OR52N5: variants seen among roughly 807,000 people sequenced by gnomAD.
OR52N5 encodes olfactory receptor family 52 subfamily N member 5, also known as olfactory receptor 52N5.
Under a neutral mutation model 14.1 loss-of-function variants are expected in OR52N5, and 10 were observed. That is an observed-to-expected ratio of 0.71 (90% confidence interval 0.44 to 1.20). The LOEUF is 1.20. Ranked by LOEUF, OR52N5 falls within the 50% of genes most tolerant of loss-of-function variation. The pLI is 0.00. For missense variants in OR52N5, 361 were observed against 403.2 expected, an observed-to-expected ratio of 0.90 and a Z score of 0.90; for synonymous variants, 116 against 143.0, an observed-to-expected ratio of 0.81 and a Z score of 1.35.
In OR52N5 at chr11:5,777,484, C is replaced by A; in HGVS notation, c.*176G>T. Reference sequence around the variant, plus strand: ...CAATAGACAAAAATTAAGGGAAAGGCACTGAGATATACATCCAGAATGGGC... The same window carrying A: ...CAATAGACAAAAATTAAGGGAAAGGAACTGAGATATACATCCAGAATGGGC... On this transcript the variant is annotated 3_prime_UTR_variant, in exon 3 of 3. Coordinates refer to ENST00000641181, the MANE Select transcript of OR52N5 (RefSeq NM_001385662.1). 1 of 413,194 alleles carries A rather than the reference C, an allele frequency of 2.4e-6. No homozygotes were observed. The highest frequency in any genetic ancestry group is 4.1e-6 in the Non-Finnish European group (1 of 246,236). The allele number at this position is 413,194 out of a possible 1,614,324, so 25.6% of individuals were successfully genotyped here.
chr11:5,780,615 T>A (rs12282898), intron 2 of OR52N5, among the ~76,000 whole-genome samples: 119,731 of 137,386 alleles, frequency 0.87, 55,303 homozygotes, highest in South Asian at 0.96. Flanking sequence ...CATACAAAGG[T>A]TCATAAGAGA....
rs571114707 is a variant in OR52N5 at position 5,782,166 on chromosome 11, T to G, written c.-247-410A>C. On this transcript the variant is annotated intron_variant, in intron 1 of 2. Transcript: ENST00000641181. The stretch of plus-strand genomic sequence containing the variant: ...ATTGAATCTGAATGTCTCAAGTGTA[T>G]GGACTCCAAATTAAACTGAACATAT... Among the ~76,000 whole-genome samples the G allele has an allele frequency of 2.9e-5, 4 of 140,268 alleles. No homozygotes were observed. The East Asian group carries it at 8.3e-4, about 29-fold the overall frequency. 92.0% of individuals were successfully genotyped at this position (140,268 alleles called of 152,430 possible).
rs559401240 is a variant in OR52N5, at chr11:5,777,702, C to G, written c.933G>C (p.Lys311Asn). 5.3e-6 allele frequency: 8 copies of G among 1,504,708 alleles called. 2 individuals carry two copies. The highest frequency in any genetic ancestry group is 1.2e-5 in the South Asian group (1 of 82,606). The allele number at this position is 1,504,708 out of a possible 1,614,324, so 93.2% of individuals were successfully genotyped here. A position where few individuals can be genotyped will look rare whatever the true frequency, so the allele number is the denominator to read the frequency against. The change falls in exon 3 of 3, where the codon AAG (lysine) becomes AAC (asparagine). Residue 311 changes from lysine (K) to asparagine (N), a missense_variant. Coordinates refer to ENST00000641181, the MANE Select transcript of OR52N5 (RefSeq NM_001385662.1). ...CACCCTGGAAGAACTTTATGACACTCTTGCGTATCTGTTTTGTCTTTACTC... is the reference window on the plus strand; with the variant it reads ...CACCCTGGAAGAACTTTATGACACTGTTGCGTATCTGTTTTGTCTTTACTC... ...VYGVKTKQIR[K>N]SVIKFFQGDK...
chr11:5,778,781 T>C, intron 2 of OR52N5, 124 bp from the exon 3 acceptor site: 1 of 547,682 alleles, frequency 1.8e-6, no homozygotes, highest in South Asian at 2.5e-5. Flanking sequence ...TATGAAAATA[T>C]ACAATGTATT....
Position 5,779,163 on chromosome 11 carries a change from TACTA to T in OR52N5, c.-23-510_-23-507del, listed in dbSNP as rs140331225. Among the ~76,000 whole-genome samples the T allele has an allele frequency of 7.0e-3, 987 of 140,564 alleles. 152 individuals are homozygous for T. Among genetic ancestry groups the T allele is most frequent in the African/African-American group, 0.024 (930 of 38,530 alleles). The allele number at this position is 140,564 out of a possible 152,430, so 92.2% of individuals were successfully genotyped here. On this transcript the variant is annotated intron_variant, in intron 2 of 2. Transcript: ENST00000641181. ...ATTATTCATATTTCAGTTTTTTCTA[TACTA>T]ACTGTGTGACTTGATAAGCTTTATG...
At position 5,777,172 on chromosome 11, in the gene OR52N5, G is replaced by T. The variant is rs1268919045; in HGVS notation, c.*488C>A. Reference sequence around the variant, plus strand: ...GAAAAGATAAATGTTTGAGGTGATGGATATTCTAATTACCTTGATTGAATT... The same window carrying T: ...GAAAAGATAAATGTTTGAGGTGATGTATATTCTAATTACCTTGATTGAATT... On this transcript the variant is annotated 3_prime_UTR_variant, in exon 3 of 3. Coordinates refer to ENST00000641181, the MANE Select transcript of OR52N5 (RefSeq NM_001385662.1). 1 of 139,096 alleles carries T rather than the reference G, an allele frequency of 7.2e-6. No individual in the cohort carries two copies. The highest frequency in any genetic ancestry group is 2.6e-5 in the African/African-American group (1 of 37,964). 8.6% of individuals were successfully genotyped at this position (139,096 alleles called of 1,614,324 possible). A position where few individuals can be genotyped will look rare whatever the true frequency, so the allele number is the denominator to read the frequency against.
intron 2 of OR52N5, among the ~76,000 whole-genome samples, chr11:5,780,990 T>C (rs1854545920): frequency 7.1e-6 from 1 of 140,150 alleles, no homozygotes; most frequent in Admixed American, 7.3e-5. Context: ...GTTTCCAGAG[T>C]CCAGAATGAG....
Position 5,777,821 on chromosome 11 carries a change from G to A in OR52N5, c.814C>T (p.Arg272Cys), listed in dbSNP as rs781765535. The change falls in exon 3 of 3, where the codon CGT (arginine) becomes TGT (cysteine). Residue 272 changes from arginine to cysteine, a missense_variant. By Grantham distance (180) the Arg-to-Cys change is radical (BLOSUM62 -3). Transcript: ENST00000641181. The stretch of plus-strand genomic sequence containing the variant: ...GGGGGAATTGTGTGTCCCCCAAAAC[G>A]GTGGGCAAAGAAAGTGAAGAATGCT... ...VPAFFTFFAH[R>C]FGGHTIPPSL... 10 of 1,520,328 alleles carry A rather than the reference G, an allele frequency of 6.6e-6. 4 individuals are homozygous for A. Among genetic ancestry groups the A allele is most frequent in the Non-Finnish European group, 7.2e-6 (8 of 1,114,090 alleles). 94.2% of individuals were successfully genotyped at this position (1,520,328 alleles called of 1,614,324 possible).
intron 1 of OR52N5, among the ~76,000 whole-genome samples, chr11:5,782,282 C>A (rs1854554968): frequency 7.2e-6 from 1 of 139,526 alleles, no homozygotes; most frequent in South Asian, 2.3e-4. Flanking sequence ...AGGACTTTCT[C>A]CATCTCTACT....
Position 5,778,163 on chromosome 11 carries a change from A to G in OR52N5, c.472T>C (p.Phe158Leu), listed in dbSNP as rs1854513654. 1 of 1,521,284 alleles carries G rather than the reference A, an allele frequency of 6.6e-7. No homozygotes were observed. Among genetic ancestry groups the G allele is most frequent in the African/African-American group, 1.4e-5 (1 of 70,050 alleles). 94.2% of individuals were successfully genotyped at this position (1,521,284 alleles called of 1,614,324 possible). ...PIIAKAELAT[F>L]LRGVLLMIPF... ...ATCATCAGCAATACACCCCTCAGGA[A>G]GGTGGCAAGCTCAGCCTTGGCAATG... The change falls in exon 3 of 3, where the codon TTC becomes CTC. Residue 158 changes from phenylalanine to leucine, a missense_variant. Transcript: ENST00000641181.
rs1854537025 is a variant in OR52N5, at chr11:5,780,071, A to G, written c.-23-1414T>C. On this transcript the variant is annotated intron_variant, in intron 2 of 2. Coordinates refer to ENST00000641181, the MANE Select transcript of OR52N5 (RefSeq NM_001385662.1). ...CTTGGCATTGCCTCTTTAGTATTTCATAAGTGAAATTTTTCCTGTAGTACA... is the reference window on the plus strand; with the variant it reads ...CTTGGCATTGCCTCTTTAGTATTTCGTAAGTGAAATTTTTCCTGTAGTACA... Among the ~76,000 whole-genome samples, 2 of 140,240 alleles carry G rather than the reference A, an allele frequency of 1.4e-5. 1 individual carries two copies. The highest frequency in any genetic ancestry group is 4.6e-4 in the South Asian group (2 of 4,320). 92.0% of individuals were successfully genotyped at this position (140,240 alleles called of 152,430 possible).
chr11:5,779,958 A>T (rs1208215749), intron 2 of OR52N5, among the ~76,000 whole-genome samples: 1 of 139,866 alleles, frequency 7.1e-6, no homozygotes, highest in Admixed American at 7.4e-5. Context: ...CAGAAAAAAA[A>T]CTTTTAAATC....
rs893215740 is a variant in OR52N5 at position 5,777,067 on chromosome 11, C to T, written c.*593G>A. ...GAATAAGACATAGTGTTCAATAGTA[C>T]AGTGGATAACTGTAGTTAACAATAA... On this transcript the variant is annotated 3_prime_UTR_variant, in exon 3 of 3. Transcript: ENST00000641181. 1 of 139,294 alleles carries T rather than the reference C, an allele frequency of 7.2e-6. No individual in the cohort carries two copies. Among genetic ancestry groups the T allele is most frequent in the Non-Finnish European group, 1.6e-5 (1 of 63,168 alleles). The allele number at this position is 139,294 out of a possible 1,614,324, so 8.6% of individuals were successfully genotyped here. A position where few individuals can be genotyped will look rare whatever the true frequency, so the allele number is the denominator to read the frequency against.
In OR52N5 at chr11:5,781,651, G is replaced by A. The variant is rs1854549560; in HGVS notation, c.-142C>T. ...TCCACGCCTCCAGTATCTGGTGAAG[G>A]GTGGAGTGATTGATCCTATCACTGT... is the stretch of plus-strand genomic sequence containing the variant. On this transcript the variant is annotated 5_prime_UTR_variant, in exon 2 of 3. Transcript: ENST00000641181. 1 of 140,224 alleles carries A rather than the reference G, an allele frequency of 7.1e-6. No homozygotes were observed. Among genetic ancestry groups the A allele is most frequent in the South Asian group, 2.3e-4 (1 of 4,284 alleles). 8.7% of individuals were successfully genotyped at this position (140,224 alleles called of 1,614,324 possible). A position where few individuals can be genotyped will look rare whatever the true frequency, so the allele number is the denominator to read the frequency against.
In OR52N5 at chr11:5,777,573, C is replaced by T; in HGVS notation, c.*87G>A. The T allele has an allele frequency of 1.9e-6, 2 of 1,043,736 alleles. No individual in the cohort carries two copies. The highest frequency in any genetic ancestry group is 2.8e-5 in the Admixed American group (1 of 35,656). The allele number at this position is 1,043,736 out of a possible 1,614,324, so 64.7% of individuals were successfully genotyped here. On this transcript the variant is annotated 3_prime_UTR_variant, in exon 3 of 3. Coordinates refer to ENST00000641181, the MANE Select transcript of OR52N5 (RefSeq NM_001385662.1). ...GAGAGAGAAAATGTATGATACTACA[C>T]ATGAATAAATGTAAAATATCACACG...
Position 5,781,043 on chromosome 11 carries a change from C to T in OR52N5, c.-24+490G>A. Among the ~76,000 whole-genome samples, 2 of 140,144 alleles carry T rather than the reference C, an allele frequency of 1.4e-5. 1 individual carries two copies. Among genetic ancestry groups the T allele is most frequent in the Non-Finnish European group, 3.2e-5 (2 of 63,388 alleles). 91.9% of individuals were successfully genotyped at this position (140,144 alleles called of 152,430 possible). Reference sequence around the variant, plus strand: ...CCTGATTTAGATACAGGATGTTTAACTTGCTTAATCAAGGCTATTAGTGAT... The same window carrying T: ...CCTGATTTAGATACAGGATGTTTAATTTGCTTAATCAAGGCTATTAGTGAT... On this transcript the variant is annotated intron_variant, in intron 2 of 2. Transcript: ENST00000641181.
In OR52N5 at chr11:5,780,327, T is replaced by TC. The variant is rs1296486082; in HGVS notation, c.-24+1205dup. Among the ~76,000 whole-genome samples, 5 of 139,248 alleles carry TC rather than the reference T, an allele frequency of 3.6e-5. 1 individual carries two copies. The highest frequency in any genetic ancestry group is 2.4e-4 in the South Asian group (1 of 4,246). The allele number at this position is 139,248 out of a possible 152,430, so 91.4% of individuals were successfully genotyped here. ...CATTTCGGGTTTAAATACTTGCTAA[T>TC]CCCCCCCAGATACATATACTTAAAG... is the stretch of plus-strand genomic sequence containing the variant. On this transcript the variant is annotated intron_variant, in intron 2 of 2. Coordinates refer to ENST00000641181, the MANE Select transcript of OR52N5 (RefSeq NM_001385662.1).
chr11:5,777,750 T>C lies in OR52N5; in HGVS notation c.885A>G (p.Pro295=), dbSNP rs1854507019. ...IVANLYLLLP[P]TLNPIVYGVK... ...CTCCATAAACAATAGGGTTTAGAGT[T>C]GGGGGAAGAAGAAGATAAAGATTAG... The change falls in exon 3 of 3, where the codon CCA becomes CCG. Residue 295 remains proline (P), a synonymous_variant. Transcript: ENST00000641181. 6.6e-7 allele frequency: 1 copy of C among 1,518,800 alleles called. No homozygotes were observed. The highest frequency in any genetic ancestry group is 2.3e-5 in the East Asian group (1 of 42,838). 94.1% of individuals were successfully genotyped at this position (1,518,800 alleles called of 1,614,324 possible). A position where few individuals can be genotyped will look rare whatever the true frequency, so the allele number is the denominator to read the frequency against.
Position 5,778,219 on chromosome 11 carries a change from A to G in OR52N5, c.416T>C (p.Leu139Ser), listed in dbSNP as rs1483043870. Residue 139 changes from leucine (L) to serine (S), a missense_variant, in exon 3 of 3, where the codon TTG (leucine) becomes TCG (serine). Transcript: ENST00000641181. ...GTTGGTGAGTGTGGTAGCATAACGC[A>G]AAGGGTAGCAAATGGCTACATAGCG... ...LDRYVAICYP[L>S]RYATTLTNPI... The G allele has an allele frequency of 6.6e-7, 1 of 1,520,488 alleles. No individual in the cohort carries two copies. The highest frequency in any genetic ancestry group is 1.2e-5 in the South Asian group (1 of 85,830). The allele number at this position is 1,520,488 out of a possible 1,614,324, so 94.2% of individuals were successfully genotyped here. A position where few individuals can be genotyped will look rare whatever the true frequency, so the allele number is the denominator to read the frequency against.
Sources: gnomAD v4.1 joint callset for allele counts (sites outside exome capture counted in the v4.1 genomes callset) on GRCh38, gnomAD v4.1.1 for gene constraint, MANE v1.5 for transcripts, NCBI Gene and HGNC (gene_info 2026-07-23, HGNC 2026-07-21) for gene names.